The following BRD3 variants were observed in gnomAD, a reference collection of about 807,000 sequenced individuals.
The protein encoded by BRD3 is bromodomain containing 3.
In BRD3, 17 loss-of-function variants were observed where a neutral mutation model predicts 66.8. The observed-to-expected ratio is 0.25, with a 90% CI of 0.17 to 0.38. The LOEUF is 0.38. BRD3 is among the 10% of genes least tolerant of loss of function. The pLI, the probability that BRD3 is intolerant of heterozygous loss-of-function variation, is 1.00. For missense variants in BRD3, 713 were observed against 956.1 expected (o/e 0.75, Z 3.35); for synonymous variants, 421 against 393.2 (o/e 1.07, Z -0.84).
Position 134,048,495 on chromosome 9 carries a change from GC to G in BRD3, c.715-42del, listed in dbSNP as rs1415489278. ...AACCAGTGAACCCCGGAAACCAGGG[GC>G]CCCGAAGACGCATGTCGCTGCAGCC... On this transcript the variant is annotated intron_variant, in intron 5 of 11. Transcript: ENST00000303407. The G allele has an allele frequency of 2.5e-6, 4 of 1,596,574 alleles. No homozygotes were observed. In the Admixed American group the frequency reaches 6.7e-5, roughly 27 times the overall value.
At chr9:134,053,714 C>T (rs893784917) in intron 1 of BRD3, 124 bp from the exon 2 acceptor site, 17 of 836,974 alleles carry the variant, frequency 2.0e-5, no homozygotes, top group Non-Finnish European at 3.0e-5. Flanking sequence ...CACTCACTCA[C>T]CCCCATTGCC....
In BRD3 at chr9:134,033,206, C is replaced by T. The variant is rs961289804; in HGVS notation, c.*384G>A. 6 of 406,872 alleles carry T rather than the reference C, an allele frequency of 1.5e-5. No homozygotes were observed. Among genetic ancestry groups the T allele is most frequent in the Admixed American group, 4.3e-5 (1 of 23,302 alleles). The allele number at this position is 406,872 out of a possible 1,614,324, so 25.2% of individuals were successfully genotyped here. ...AGCTTTCAAATACAGTACCCATATCCGAGACATTTCCTTGGAAAAAATTCT... is the reference window on the plus strand; with the variant it reads ...AGCTTTCAAATACAGTACCCATATCTGAGACATTTCCTTGGAAAAAATTCT... On this transcript the variant is annotated 3_prime_UTR_variant, in exon 12 of 12. Transcript: ENST00000303407. The surrounding 1 kb of genome is among the most constrained non-coding windows in gnomAD (Gnocchi z 5.1).
chr9:134,062,901 T>C (rs1830574319), intron 1 of BRD3, among the ~76,000 whole-genome samples: 1 of 152,202 alleles, frequency 6.6e-6, no homozygotes, highest in South Asian at 2.1e-4. Flanking sequence ...GGAGACACCG[T>C]GCTCTTAGAG....
chr9:134,036,161 C>G lies in BRD3; in HGVS notation c.1807G>C (p.Glu603Gln). ...GRVVHIIQSR[E>Q]PSLRDSNPDE... ...GGGTTGGAGTCCCTGAGCGAGGGCTCCCGAGATTGGATGATGTGCACTACC... is the reference window on the plus strand; with the variant it reads ...GGGTTGGAGTCCCTGAGCGAGGGCTGCCGAGATTGGATGATGTGCACTACC... The change falls in exon 10 of 12, where the codon GAG becomes CAG. Residue 603 changes from glutamate (E) to glutamine (Q), a missense_variant. Physicochemically the swap from Glu to Gln is conservative, Grantham distance 29. Around this residue, in one of 5 missense-constraint regions of BRD3, gnomAD observed 418 missense variants for 609.3 expected, o/e 0.69. Transcript: ENST00000303407. 2 of 1,614,252 alleles carry G rather than the reference C, an allele frequency of 1.2e-6. No individual in the cohort carries two copies. Among genetic ancestry groups the G allele is most frequent in the Non-Finnish European group, 8.5e-7 (1 of 1,180,050 alleles).
At chr9:134,060,703 C>T (rs895970432) in intron 1 of BRD3, among the ~76,000 whole-genome samples, 2 of 152,182 alleles carry the variant, frequency 1.3e-5, no homozygotes, top group Admixed American at 1.3e-4. Flanking sequence ...GACTAGCCCC[C>T]TTCCTGGGTC....
At chr9:134,053,772 C>T (rs953775136) in intron 1 of BRD3, 182 bp from the exon 2 acceptor site, 6 of 501,614 alleles carry the variant, frequency 1.2e-5, no homozygotes, top group South Asian at 3.1e-5. Context: ...AGGCGAAGCG[C>T]GACCAGCTCA....
chr9:134,050,336 GCTCAGGTGC>G, intron 5 of BRD3, 29 bp downstream of exon 5: 1 of 1,582,776 alleles, frequency 6.3e-7, no homozygotes, highest in African/African-American at 1.3e-5. Context: ...CCCTGGCCGG[GCTCAGGTGC>G]CCCACCCATC....
At chr9:134,051,431 G>C in intron 4 of BRD3, 131 bp downstream of exon 4, 2 of 973,748 alleles carry the variant, frequency 2.1e-6, no homozygotes, top group African/African-American at 3.5e-5. Context: ...ACTCATCCAA[G>C]ACCCGGCACC....
intron 8 of BRD3, 93 bp from the exon 9 acceptor site, chr9:134,040,362 T>C (rs1212643168): frequency 8.5e-6 from 12 of 1,407,946 alleles, no homozygotes; most frequent in Non-Finnish European, 1.1e-5. Flanking sequence ...CTTGGGGCGA[T>C]GTCGGAGCTG....
rs143441796 is a variant in BRD3 at position 134,056,705 on chromosome 9, C to T, written c.-113-3115G>A. On this transcript the variant is annotated intron_variant, in intron 1 of 11. Coordinates refer to ENST00000303407, the MANE Select transcript of BRD3 (RefSeq NM_007371.4). ...CGCCGGGCAGGAGGAGACCAGGAGG[C>T]GACAGTCAGGTGAGAGCCCGGGGTG... 574 of 152,496 alleles carry T rather than the reference C, an allele frequency of 3.8e-3. 3 individuals carry two copies. Among genetic ancestry groups the T allele is most frequent in the Admixed American group, 6.5e-3 (100 of 15,308 alleles). The allele number at this position is 152,496 out of a possible 1,614,324, so 9.4% of individuals were successfully genotyped here.
chr9:134,067,105 TG>T (rs1830676845), intron 1 of BRD3, among the ~76,000 whole-genome samples: 1 of 152,218 alleles, frequency 6.6e-6, no homozygotes, highest in African/African-American at 2.4e-5. Flanking sequence ...TCTCCCCGGA[TG>T]GGCTTGTATC....
chr9:134,039,306 C>T lies in BRD3; in HGVS notation c.1643+728G>A, dbSNP rs139440612. 1.3e-4 allele frequency among the ~76,000 whole-genome samples: 20 copies of T among 152,348 alleles called. No homozygotes were observed. In the East Asian group the frequency reaches 1.9e-3, roughly 15 times the overall value. On this transcript the variant is annotated intron_variant, in intron 9 of 11. Coordinates refer to ENST00000303407, the MANE Select transcript of BRD3 (RefSeq NM_007371.4). The stretch of plus-strand genomic sequence containing the variant: ...GAAGCATGAACACCTCAAACAAAGC[C>T]GGCTGATCTCAGCAGCCTCAACTCA...
intron 1 of BRD3, among the ~76,000 whole-genome samples, chr9:134,061,938 C>T (rs1036638755): frequency 2.0e-5 from 3 of 152,130 alleles, no homozygotes; most frequent in African/African-American, 7.2e-5. Flanking sequence ...CCCGGCCAAC[C>T]TAGCACCTGT....
intron 1 of BRD3, among the ~76,000 whole-genome samples, chr9:134,060,322 C>T (rs780145259): frequency 2.0e-5 from 3 of 152,208 alleles, no homozygotes; most frequent in Non-Finnish European, 4.4e-5. Flanking sequence ...CCAGGCCATG[C>T]GCAGTGACTC....
In BRD3 at chr9:134,033,574, T is replaced by C; in HGVS notation, c.*16A>G. On this transcript the variant is annotated 3_prime_UTR_variant, in exon 12 of 12. Transcript: ENST00000303407. This position sits in a 1 kb window ranked among gnomAD's most constrained non-coding sequence, Gnocchi z 5.1. ...CGTGTGCGACATCCATCTGTCCTGTTCTGTCCGAAGCCAGTTCATTCTGAG... is the reference window on the plus strand; with the variant it reads ...CGTGTGCGACATCCATCTGTCCTGTCCTGTCCGAAGCCAGTTCATTCTGAG... 1.3e-6 allele frequency: 1 copy of C among 745,564 alleles called. No homozygotes were observed. Among genetic ancestry groups the C allele is most frequent in the South Asian group, 1.4e-5 (1 of 70,406 alleles). The allele number at this position is 745,564 out of a possible 1,614,324, so 46.2% of individuals were successfully genotyped here.
intron 7 of BRD3, among the ~76,000 whole-genome samples, chr9:134,042,893 G>A (rs959391993): frequency 1.3e-5 from 2 of 150,514 alleles, no homozygotes; most frequent in Admixed American, 6.6e-5. Context: ...AGGCTGGAGT[G>A]CAATGGCATG....
intron 1 of BRD3, among the ~76,000 whole-genome samples, chr9:134,059,494 G>C (rs1358678303): frequency 6.6e-6 from 1 of 151,982 alleles, no homozygotes; most frequent in Non-Finnish European, 1.5e-5. Flanking sequence ...CTAGACACGA[G>C]ACACACAAAA....
chr9:134,042,102 G>T, intron 7 of BRD3, 151 bp from the exon 8 acceptor site: 1 of 926,340 alleles, frequency 1.1e-6, no homozygotes, highest in Non-Finnish European at 1.5e-6. Flanking sequence ...CGCCTGCCTG[G>T]GGGGCTGTGG....
chr9:134,051,750 G>A (rs759886719), intron 3 of BRD3, 41 bp from the exon 4 acceptor site: 8 of 1,565,176 alleles, frequency 5.1e-6, no homozygotes, highest in Non-Finnish European at 6.0e-6. Context: ...CAGGAAAGGA[G>A]CTGTGTGCTT....
Sources: gnomAD v4.1 joint callset for allele counts (sites outside exome capture counted in the v4.1 genomes callset) on GRCh38, gnomAD v4.1.1 for gene constraint, gnomAD v4.1.1 regional missense constraint, Gnocchi (gnomAD v3.1) non-coding constraint, MANE v1.5 for transcripts, NCBI Gene and HGNC (gene_info 2026-07-23, HGNC 2026-07-21) for gene names.